The following VOPP1 variants were observed in gnomAD, a reference collection of about 807,000 sequenced individuals.
The protein encoded by VOPP1 is WW domain binding protein VOPP1.
Under a neutral mutation model 23.5 loss-of-function variants are expected in VOPP1, and 8 were observed. The observed-to-expected ratio is 0.34, with a 90% confidence interval of 0.20 to 0.61. The LOEUF is 0.61. Ranked by LOEUF, VOPP1 falls within the 20% of genes least tolerant of loss-of-function variation. VOPP1 has a pLI of 0.78. For missense variants in VOPP1, 174 were observed against 238.1 expected (o/e 0.73, Z 1.77); for synonymous variants, 83 against 97.3 (o/e 0.85, Z 0.86).
chr7:55,468,283 A>AAAAG (rs1562888681), downstream of VOPP1, among the ~76,000 whole-genome samples: 2 of 150,738 alleles, frequency 1.3e-5, no homozygotes, highest in Admixed American at 1.3e-4. Flanking sequence ...AAAAAAAAAA[A>AAAAG]AAAAAGAAAA....
chr7:55,569,405 C>T (rs1487592522), intron 1 of VOPP1, among the ~76,000 whole-genome samples: 1 of 152,214 alleles, frequency 6.6e-6, no homozygotes, highest in Non-Finnish European at 1.5e-5. Flanking sequence ...GGGGAATACA[C>T]TTTCCAGGGC....
At chr7:55,512,863 G>A (rs1795172047) in intron 2 of VOPP1, among the ~76,000 whole-genome samples, 1 of 152,234 alleles carries the variant, frequency 6.6e-6, no homozygotes, top group Non-Finnish European at 1.5e-5. Flanking sequence ...GGTGAGAGGT[G>A]ACCTTGTGTC....
chr7:55,534,639 CT>C (rs1796679078), intron 1 of VOPP1, among the ~76,000 whole-genome samples: 1 of 152,234 alleles, frequency 6.6e-6, no homozygotes, highest in Non-Finnish European at 1.5e-5. Context: ...CTGTAGCCCT[CT>C]TGCAGGTGTC....
At chr7:55,445,252 CACACACACACAGACATACACACACAG>C (rs1167988025) in intron 4 of VOPP1, among the ~76,000 whole-genome samples, 2 of 122,234 alleles carry the variant, frequency 1.6e-5, no homozygotes, top group Non-Finnish European at 3.5e-5. Flanking sequence ...CAGACACACA[CACACACACACAGACATACACACACAG>C]ACACACACAC....
chr7:55,526,580 T>TG (rs1355579607), intron 1 of VOPP1, among the ~76,000 whole-genome samples: 1 of 151,804 alleles, frequency 6.6e-6, no homozygotes, highest in Non-Finnish European at 1.5e-5. Flanking sequence ...CATGAGGGAG[T>TG]GGACAGCAGG....
chr7:55,436,660 G>T (rs115798403), intron 4 of VOPP1, among the ~76,000 whole-genome samples: 1,534 of 151,026 alleles, frequency 0.01, 22 homozygotes, highest in African/African-American at 0.034. Flanking sequence ...GTGTGTGTGC[G>T]TGTGTGCGTG....
chr7:55,540,195 C>G (rs1211922763), intron 1 of VOPP1, among the ~76,000 whole-genome samples: 1 of 151,818 alleles, frequency 6.6e-6, no homozygotes, highest in Non-Finnish European at 1.5e-5. Flanking sequence ...GTCAAGAGAT[C>G]GAGACCATCC....
chr7:55,497,570 G>GC (rs762626984), intron 3 of VOPP1, 43 bp downstream of exon 3: 1 of 1,220,566 alleles, frequency 8.2e-7, no homozygotes, highest in Non-Finnish European at 1.1e-6. Context: ...GGGGGGGGGG[G>GC]CAGAGCTCTC....
intron 4 of VOPP1, among the ~76,000 whole-genome samples, chr7:55,477,202 C>T (rs712818): frequency 6.9e-4 from 105 of 152,356 alleles, no homozygotes; most frequent in African/African-American, 2.4e-3. Context: ...GAACAAGGCA[C>T]GTCCATGAGT....
At chr7:55,521,042 A>C in intron 2 of VOPP1, 30 bp downstream of exon 2, 1 of 1,556,332 alleles carries the variant, frequency 6.4e-7, no homozygotes, top group Non-Finnish European at 8.7e-7. Context: ...TGGCCACAGA[A>C]TGAAACCACA....
At chr7:55,509,764 C>T (rs1649819810) in intron 2 of VOPP1, among the ~76,000 whole-genome samples, 1 of 152,232 alleles carries the variant, frequency 6.6e-6, no homozygotes, top group South Asian at 2.1e-4. Flanking sequence ...ACATTCTCTG[C>T]TCAGTCTTCT....
chr7:55,490,187 T>G (rs924109773), intron 4 of VOPP1, among the ~76,000 whole-genome samples: 1 of 152,018 alleles, frequency 6.6e-6, no homozygotes, highest in African/African-American at 2.4e-5. Flanking sequence ...GCTTCTGTTT[T>G]TTGTTTTTTA....
intron 3 of VOPP1, chr7:55,492,701 C>T (rs1244627456): frequency 3.2e-6 from 1 of 317,204 alleles, no homozygotes; most frequent in Non-Finnish European, 5.7e-6. Flanking sequence ...TGAAAAGCAC[C>T]GTAAAAGAAA....
At chr7:55,491,854 A>G (rs1793592672) in intron 4 of VOPP1, among the ~76,000 whole-genome samples, 1 of 152,234 alleles carries the variant, frequency 6.6e-6, no homozygotes, top group Non-Finnish European at 1.5e-5. Context: ...AAAACATGAG[A>G]AAACAAAACA....
chr7:55,481,137 G>A (rs181114839), intron 4 of VOPP1, among the ~76,000 whole-genome samples: 48 of 152,312 alleles, frequency 3.2e-4, no homozygotes, highest in African/African-American at 1.1e-3. Flanking sequence ...GTACCTGGGC[G>A]TGTCCATGGA....
intron 2 of VOPP1, among the ~76,000 whole-genome samples, chr7:55,506,909 G>T (rs1794764446): frequency 6.6e-6 from 1 of 152,196 alleles, no homozygotes; most frequent in African/African-American, 2.4e-5. Context: ...AAACTGCTGG[G>T]ATCACAGGCA....
At chr7:55,505,873 T>C (rs750458118) in intron 2 of VOPP1, among the ~76,000 whole-genome samples, 1 of 152,148 alleles carries the variant, frequency 6.6e-6, no homozygotes, top group Non-Finnish European at 1.5e-5. Flanking sequence ...CAGTTACAAA[T>C]CCACCTAACT....
intron 4 of VOPP1, among the ~76,000 whole-genome samples, chr7:55,482,029 A>G (rs1792750734): frequency 6.6e-6 from 1 of 152,200 alleles, no homozygotes; most frequent in African/African-American, 2.4e-5. Flanking sequence ...TCACTCTGTC[A>G]TATTTTTACA....
At chr7:55,498,614 G>T (rs909076210) in intron 2 of VOPP1, among the ~76,000 whole-genome samples, 2 of 152,198 alleles carry the variant, frequency 1.3e-5, no homozygotes, top group Non-Finnish European at 2.9e-5. Context: ...GATGTGGGGA[G>T]GGCCACTTCT....
Sources: allele counts gnomAD v4.1 joint callset (sites outside exome capture counted in the v4.1 genomes callset), GRCh38; gene constraint gnomAD v4.1.1; transcripts MANE v1.5; gene names NCBI Gene and HGNC (gene_info 2026-07-23, HGNC 2026-07-21).